The following MAST4 variants were observed in gnomAD, a reference collection of about 807,000 sequenced individuals.
MAST4 encodes microtubule associated serine/threonine kinase family member 4.
In MAST4, 89 loss-of-function variants were observed where a neutral mutation model predicts 162.7. The observed-to-expected ratio is 0.55, with a 90% confidence interval of 0.46 to 0.65. The LOEUF is 0.65. Ranked by LOEUF, MAST4 falls within the 30% of genes least tolerant of loss-of-function variation. The pLI, the probability that MAST4 is intolerant of heterozygous loss-of-function variation, is 0.00. For missense variants in MAST4, 3,153 were observed against 3,374.0 expected (o/e 0.93, Z 1.62); for synonymous variants, 1,479 against 1,361.1 (o/e 1.09, Z -1.91).
chr5:66,894,709 T>G (rs866810475), intron 3 of MAST4, among the ~76,000 whole-genome samples: 2 of 152,262 alleles, frequency 1.3e-5, no homozygotes, highest in Middle Eastern at 3.4e-3. Flanking sequence ...GAGGGAATGG[T>G]GTGTACTGGA....
chr5:66,689,452 T>G (rs1748898082), intron 1 of MAST4, among the ~76,000 whole-genome samples: 1 of 152,210 alleles, frequency 6.6e-6, no homozygotes, highest in South Asian at 2.1e-4. Context: ...TCCTGTCTGT[T>G]GTTGACTTTT....
intron 2 of MAST4, among the ~76,000 whole-genome samples, chr5:66,782,046 T>A (rs537886959): frequency 1.3e-5 from 2 of 152,186 alleles, no homozygotes; most frequent in Admixed American, 1.3e-4. Context: ...CCCAGCACTT[T>A]GGGAGGCTGA....
At chr5:66,721,064 G>C (rs2149538316) in intron 1 of MAST4, among the ~76,000 whole-genome samples, 1 of 152,280 alleles carries the variant, frequency 6.6e-6, no homozygotes, top group Middle Eastern at 3.4e-3. Flanking sequence ...CTAGTCAAAA[G>C]AAACCTCCTG....
chr5:66,837,894 ATTTTTTTTT>A (rs754095073), intron 3 of MAST4, among the ~76,000 whole-genome samples: 176 of 53,674 alleles, frequency 3.3e-3, no homozygotes, highest in African/African-American at 0.017. Flanking sequence ...ATATATATAT[ATTTTTTTTT>A]TTTTTTTTTT....
At chr5:67,156,977 A>C (rs924228701) in intron 26 of MAST4, among the ~76,000 whole-genome samples, 1 of 152,276 alleles carries the variant, frequency 6.6e-6, no homozygotes, top group Non-Finnish European at 1.5e-5. Flanking sequence ...AATAGTTTAA[A>C]GTAAAAGTGA....
chr5:66,692,847 G>A lies in MAST4; in HGVS notation c.364-66862G>A, dbSNP rs146454019. Among the ~76,000 whole-genome samples the A allele has an allele frequency of 3.3e-3, 507 of 152,206 alleles. 1 individual carries two copies. The highest frequency in any genetic ancestry group is 0.011 in the African/African-American group (473 of 41,540). ...TATATATACTTCAAGGTATTCCAGT[G>A]TGCTTTGAAGTAGGTTGGTGGTAGC... On this transcript the variant is annotated intron_variant, in intron 1 of 28. Transcript: ENST00000403625.
chr5:67,027,724 T>C (rs184410292), intron 4 of MAST4, among the ~76,000 whole-genome samples: 1 of 152,350 alleles, frequency 6.6e-6, no homozygotes, highest in Non-Finnish European at 1.5e-5. Flanking sequence ...TTTTTTGACT[T>C]CTAGTCTGTA....
At chr5:66,639,940 G>C (rs1745377158) in intron 1 of MAST4, among the ~76,000 whole-genome samples, 1 of 151,868 alleles carries the variant, frequency 6.6e-6, no homozygotes. Context: ...TACCTTTTTT[G>C]TGTGTGGTAA....
rs1366132300 is a variant in MAST4 at position 66,795,933 on chromosome 5, C to A, written c.642+7139C>A. ...TCAGAGTCTCTGGAGTGCTTGTATTCGAGGAGTAATACATCTCATAGTTAT... is the reference window on the plus strand; with the variant it reads ...TCAGAGTCTCTGGAGTGCTTGTATTAGAGGAGTAATACATCTCATAGTTAT... On this transcript the variant is annotated intron_variant, in intron 3 of 28. Coordinates refer to ENST00000403625, the MANE Select transcript of MAST4 (RefSeq NM_001164664.2). 2.6e-5 allele frequency among the ~76,000 whole-genome samples: 4 copies of A among 152,208 alleles called. No individual in the cohort carries two copies. In the South Asian group the frequency reaches 8.3e-4, roughly 32 times the overall value.
At chr5:67,112,511 G>A (rs979257816) in intron 11 of MAST4, among the ~76,000 whole-genome samples, 2 of 152,150 alleles carry the variant, frequency 1.3e-5, no homozygotes, top group African/African-American at 2.4e-5. Context: ...TCACCGTCTG[G>A]CTGTAAACCA....
intron 1 of MAST4, among the ~76,000 whole-genome samples, chr5:66,699,258 C>G (rs192731177): frequency 6.6e-6 from 1 of 152,328 alleles, no homozygotes; most frequent in Admixed American, 6.5e-5. Flanking sequence ...GTCACACCAT[C>G]TTATCATTTA....
At chr5:66,617,701 C>T (rs1019690135) in intron 1 of MAST4, among the ~76,000 whole-genome samples, 1 of 152,070 alleles carries the variant, frequency 6.6e-6, no homozygotes, top group Non-Finnish European at 1.5e-5. Context: ...TCTTTCTGTT[C>T]CTCTTGTCCA....
chr5:67,011,062 G>C (rs1561530016), intron 4 of MAST4, among the ~76,000 whole-genome samples: 2 of 152,176 alleles, frequency 1.3e-5, no homozygotes, highest in African/African-American at 4.8e-5. Flanking sequence ...GGCAATGACA[G>C]TTTCCTTTTC....
At chr5:66,597,168 T>C (rs1742239182) in intron 1 of MAST4, 150 bp downstream of exon 1, 8 of 1,076,588 alleles carry the variant, frequency 7.4e-6, no homozygotes, top group Non-Finnish European at 9.5e-6. Flanking sequence ...GGGACAACGA[T>C]AGTTAGGAGC....
At chr5:66,718,194 T>C (rs1438990052) in intron 1 of MAST4, among the ~76,000 whole-genome samples, 1 of 151,496 alleles carries the variant, frequency 6.6e-6, no homozygotes, top group East Asian at 1.9e-4. Context: ...TCTTTTTTTT[T>C]TGCTTTGCTG....
intron 14 of MAST4, among the ~76,000 whole-genome samples, chr5:67,123,398 G>A (rs1767814861): frequency 6.6e-6 from 1 of 152,254 alleles, no homozygotes; most frequent in Admixed American, 6.5e-5. Flanking sequence ...CTGACTGGAA[G>A]TTAAACGTGT....
chr5:66,714,144 C>T (rs1192535506), intron 1 of MAST4, among the ~76,000 whole-genome samples: 3 of 152,248 alleles, frequency 2.0e-5, no homozygotes, highest in South Asian at 2.1e-4. Flanking sequence ...AACTGCCTCT[C>T]TCTGGCTACA....
chr5:67,031,983 C>G (rs1235910407), intron 4 of MAST4, among the ~76,000 whole-genome samples: 1 of 152,152 alleles, frequency 6.6e-6, no homozygotes, highest in Non-Finnish European at 1.5e-5. Flanking sequence ...CTCATCGTGA[C>G]CTACTTCTGT....
chr5:66,797,615 A>G (rs1299472020), intron 3 of MAST4, among the ~76,000 whole-genome samples: 3 of 152,188 alleles, frequency 2.0e-5, no homozygotes, highest in Non-Finnish European at 4.4e-5. Flanking sequence ...TTGCAAGAAG[A>G]CTTTTGGGAA....
Sources: allele counts gnomAD v4.1 joint callset (sites outside exome capture counted in the v4.1 genomes callset), GRCh38; gene constraint gnomAD v4.1.1; transcripts MANE v1.5; gene names NCBI Gene and HGNC (gene_info 2026-07-23, HGNC 2026-07-21).